SNX24: variants seen among roughly 807,000 people sequenced by gnomAD.
SNX24 encodes the protein sorting nexin 24.
Under a neutral mutation model 28.7 loss-of-function variants are expected in SNX24, and 22 were observed. That is an observed-to-expected ratio of 0.77 (90% CI 0.55 to 1.10). The LOEUF (loss-of-function observed/expected upper bound fraction) is 1.10, where lower values mean the gene tolerates loss of function less well. Ranked by LOEUF, SNX24 falls within the 50% of genes least tolerant of loss-of-function variation. The pLI, the probability that SNX24 is intolerant of heterozygous loss-of-function variation, is 0.00. For missense variants in SNX24, 221 were observed against 201.1 expected, an observed-to-expected ratio of 1.10 and a Z score of -0.60; for synonymous variants, 69 against 71.5, an observed-to-expected ratio of 0.96 and a Z score of 0.18.
At chr5:123,026,439 A>T (rs41334653) in intron 5 of SNX24, among the ~76,000 whole-genome samples, 1 of 152,170 alleles carries the variant, frequency 6.6e-6, no homozygotes, top group Non-Finnish European at 1.5e-5. Context: ...CAAGCATTCA[A>T]TATATACCCA....
chr5:122,969,310 T>A (rs1319790264), intron 3 of SNX24, among the ~76,000 whole-genome samples: 1 of 152,194 alleles, frequency 6.6e-6, no homozygotes, highest in Non-Finnish European at 1.5e-5. Flanking sequence ...TCCACATAGC[T>A]GAAACCAGAG....
At chr5:123,024,356 CCAGCGTAA>C in intron 5 of SNX24, among the ~76,000 whole-genome samples, 1 of 152,136 alleles carries the variant, frequency 6.6e-6, no homozygotes, top group Non-Finnish European at 1.5e-5. Context: ...CTGGTATAAG[CCAGCGTAA>C]CAGTTAACAT....
At chr5:122,888,310 T>C (rs1756803763) in intron 1 of SNX24, among the ~76,000 whole-genome samples, 1 of 152,122 alleles carries the variant, frequency 6.6e-6, no homozygotes, top group Admixed American at 6.6e-5. Flanking sequence ...TCCTATCCGT[T>C]AGGGAGGGAG....
intron 1 of SNX24, among the ~76,000 whole-genome samples, chr5:122,879,649 T>A (rs1179404674): frequency 6.6e-6 from 1 of 151,976 alleles, no homozygotes; most frequent in Non-Finnish European, 1.5e-5. Flanking sequence ...GAAATGAGGA[T>A]GTAATAACAA....
At chr5:122,869,190 A>G (rs181775960) in intron 1 of SNX24, among the ~76,000 whole-genome samples, 1 of 152,340 alleles carries the variant, frequency 6.6e-6, no homozygotes. Flanking sequence ...TGCAGCTTCC[A>G]AACTATTGAG....
chr5:123,014,777 G>A (rs1428713936), intron 5 of SNX24, among the ~76,000 whole-genome samples: 2 of 152,116 alleles, frequency 1.3e-5, no homozygotes, highest in Non-Finnish European at 2.9e-5. Context: ...TGCCCTCTCC[G>A]AGTTCTTTCT....
intron 3 of SNX24, among the ~76,000 whole-genome samples, chr5:122,991,954 T>C (rs1398032569): frequency 6.6e-6 from 1 of 152,274 alleles, no homozygotes; most frequent in East Asian, 1.9e-4. Flanking sequence ...ATAAATTAAG[T>C]TTATAAATAT....
chr5:122,962,876 G>A (rs955111356), intron 3 of SNX24, among the ~76,000 whole-genome samples: 2 of 152,118 alleles, frequency 1.3e-5, no homozygotes, highest in African/African-American at 4.8e-5. Flanking sequence ...AATACCTTCA[G>A]CAGTCATTAA....
intron 1 of SNX24, among the ~76,000 whole-genome samples, chr5:122,851,661 A>G (rs1288552567): frequency 3.9e-5 from 6 of 152,216 alleles, no homozygotes; most frequent in African/African-American, 1.4e-4. Context: ...CTTCTTATAT[A>G]TAGGATCATA....
chr5:122,947,796 G>A (rs1581784880), intron 3 of SNX24, among the ~76,000 whole-genome samples: 2 of 152,316 alleles, frequency 1.3e-5, no homozygotes, highest in African/African-American at 4.8e-5. Context: ...TTGTAAGCCA[G>A]ATTTTCCATG....
chr5:122,850,924 G>T (rs1443162247), intron 1 of SNX24, among the ~76,000 whole-genome samples: 2 of 152,068 alleles, frequency 1.3e-5, no homozygotes, highest in African/African-American at 2.4e-5. Context: ...GGAGTGTGAG[G>T]CTGGAAGAGA....
chr5:122,853,146 G>A (rs1398056715), intron 1 of SNX24, among the ~76,000 whole-genome samples: 2 of 68,852 alleles, frequency 2.9e-5, no homozygotes, highest in African/African-American at 1.1e-4. Context: ...TTTTTTTTGA[G>A]ACGGATTCTT....
At chr5:122,940,483 A>T (rs931268215) in intron 2 of SNX24, among the ~76,000 whole-genome samples, 4 of 152,166 alleles carry the variant, frequency 2.6e-5, no homozygotes, top group Non-Finnish European at 5.9e-5. Context: ...CATCATAGAT[A>T]TTGACCCTCA....
chr5:122,941,088 A>C (rs1280422903), intron 2 of SNX24, among the ~76,000 whole-genome samples: 1 of 152,170 alleles, frequency 6.6e-6, no homozygotes, highest in African/African-American at 2.4e-5. Flanking sequence ...TCATGCAGAT[A>C]AGTACCAGAT....
intron 3 of SNX24, among the ~76,000 whole-genome samples, chr5:122,956,122 A>G (rs1051687604): frequency 2.6e-5 from 4 of 151,774 alleles, no homozygotes; most frequent in African/African-American, 9.7e-5. Context: ...AGTCTGCGAT[A>G]TATAAGGCAA....
At chr5:122,948,794 C>T (rs1759806548) in intron 3 of SNX24, 1 of 152,184 alleles carries the variant, frequency 6.6e-6, no homozygotes, top group Non-Finnish European at 1.5e-5. Context: ...ATTTTAGTTT[C>T]CTAACATCCA....
chr5:122,933,676 C>CT (rs1422069983), intron 1 of SNX24, among the ~76,000 whole-genome samples: 1 of 152,090 alleles, frequency 6.6e-6, no homozygotes, highest in African/African-American at 2.4e-5. Flanking sequence ...TCCTGTTACT[C>CT]TATCTTGGCC....
intron 1 of SNX24, among the ~76,000 whole-genome samples, chr5:122,865,502 T>A (rs1561522821): frequency 1.3e-5 from 2 of 152,150 alleles, no homozygotes; most frequent in African/African-American, 4.8e-5. Context: ...GGCTAATTTT[T>A]GTATTTTTAG....
At chr5:123,002,862 A>G (rs1280855282) in intron 6 of SNX24, among the ~76,000 whole-genome samples, 2 of 152,178 alleles carry the variant, frequency 1.3e-5, no homozygotes, top group Non-Finnish European at 2.9e-5. Context: ...TGCATACATT[A>G]TCTCATTTAA....
Sources: gnomAD v4.1 joint callset for allele counts (sites outside exome capture counted in the v4.1 genomes callset) on GRCh38, gnomAD v4.1.1 for gene constraint, MANE v1.5 for transcripts, NCBI Gene and HGNC (gene_info 2026-07-23, HGNC 2026-07-21) for gene names.